Variants in EEFSEC observed in about 807,000 individuals in gnomAD.
EEFSEC encodes the protein eukaryotic elongation factor, selenocysteine-tRNA specific.
In EEFSEC, 43 loss-of-function variants were observed where a neutral mutation model predicts 42.1. The observed-to-expected ratio is 1.02, with a 90% CI of 0.80 to 1.32. The LOEUF (loss-of-function observed/expected upper bound fraction) is 1.32. EEFSEC is among the 40% of genes most tolerant of loss of function. EEFSEC has a pLI of 0.00. For missense variants in EEFSEC, 745 were observed against 803.6 expected (o/e 0.93, Z 0.88); for synonymous variants, 354 against 339.1 (o/e 1.04, Z -0.48).
At chr3:128,348,316 T>G (rs1310183818) in intron 5 of EEFSEC, among the ~76,000 whole-genome samples, 1 of 125,306 alleles carries the variant, frequency 8.0e-6, no homozygotes, top group African/African-American at 3.3e-5. Context: ...GTGTTCATTC[T>G]TTCACATATT....
chr3:128,405,205 A>G (rs1047661005), intron 6 of EEFSEC, among the ~76,000 whole-genome samples: 11 of 151,918 alleles, frequency 7.2e-5, no homozygotes, highest in Admixed American at 6.6e-4. Flanking sequence ...TTTAATGGAG[A>G]CGGGGTTTCA....
chr3:128,213,921 C>T (rs1054054733), intron 1 of EEFSEC, among the ~76,000 whole-genome samples: 2 of 152,138 alleles, frequency 1.3e-5, no homozygotes, highest in South Asian at 2.1e-4. Flanking sequence ...CTGCCCCAAC[C>T]TCAGCCAAGT....
In EEFSEC at chr3:128,160,570, C is replaced by T. The variant is rs138603134; in HGVS notation, c.316+6747C>T. 3.1e-3 allele frequency among the ~76,000 whole-genome samples: 468 copies of T among 152,236 alleles called. 4 individuals carry two copies. Among genetic ancestry groups the T allele is most frequent in the African/African-American group, 0.011 (444 of 41,540 alleles). On this transcript the variant is annotated intron_variant, in intron 1 of 6. Coordinates refer to ENST00000254730, the MANE Select transcript of EEFSEC (RefSeq NM_021937.5). ...TTGCAGGATTGCTGGGCAGGGATTC[C>T]CACTGGCAGCAGGTGTGGTTTTCTC...
chr3:128,290,689 A>G (rs1425721717), intron 4 of EEFSEC, among the ~76,000 whole-genome samples: 2 of 151,608 alleles, frequency 1.3e-5, no homozygotes, highest in African/African-American at 2.4e-5. Flanking sequence ...ATATCTTCCT[A>G]TTGATATAGG....
intron 6 of EEFSEC, among the ~76,000 whole-genome samples, chr3:128,368,269 TA>T (rs1385372053): frequency 1.3e-5 from 2 of 151,974 alleles, no homozygotes; most frequent in East Asian, 3.9e-4. Flanking sequence ...CCATCTCTAA[TA>T]AAAATTTAAA....
intron 4 of EEFSEC, among the ~76,000 whole-genome samples, chr3:128,285,178 G>A (rs1343725024): frequency 6.6e-6 from 1 of 152,160 alleles, no homozygotes; most frequent in Non-Finnish European, 1.5e-5. Context: ...GCAAGATGAA[G>A]AGGTGGGGTC....
At position 128,395,212 on chromosome 3, in the gene EEFSEC, G is replaced by A. The variant is rs114710326; in HGVS notation, c.1601-12857G>A. Among the ~76,000 whole-genome samples, 263 of 152,308 alleles carry A rather than the reference G, an allele frequency of 1.7e-3. 1 individual carries two copies. Among genetic ancestry groups the A allele is most frequent in the Non-Finnish European group, 2.7e-3 (183 of 68,032 alleles). ...CGTCACAAGCAGACAGGAGGTTTCA[G>A]CATGTGTGTGAGGCCTCCGGGCCAG... On this transcript the variant is annotated intron_variant, in intron 6 of 6. Coordinates refer to ENST00000254730, the MANE Select transcript of EEFSEC (RefSeq NM_021937.5).
intron 4 of EEFSEC, among the ~76,000 whole-genome samples, chr3:128,310,714 AT>A (rs1237061502): frequency 6.6e-6 from 1 of 152,200 alleles, no homozygotes; most frequent in African/African-American, 2.4e-5. Context: ...TTCTACTCCA[AT>A]TTTTTATTTT....
intron 1 of EEFSEC, among the ~76,000 whole-genome samples, chr3:128,243,837 G>A (rs2066099381): frequency 6.6e-6 from 1 of 152,188 alleles, no homozygotes; most frequent in Admixed American, 6.5e-5. Flanking sequence ...TGTGTGGCGT[G>A]GGAGTTAAGA....
chr3:128,282,888 G>A (rs925939850), intron 4 of EEFSEC, among the ~76,000 whole-genome samples: 2 of 152,240 alleles, frequency 1.3e-5, no homozygotes, highest in East Asian at 3.8e-4. Flanking sequence ...TGTGGCTGAC[G>A]GCCTTCGGGA....
intron 1 of EEFSEC, among the ~76,000 whole-genome samples, chr3:128,156,456 C>T (rs936392840): frequency 6.6e-6 from 1 of 152,198 alleles, no homozygotes; most frequent in African/African-American, 2.4e-5. Flanking sequence ...TACGTGCATA[C>T]CTCATGTTAT....
intron 4 of EEFSEC, among the ~76,000 whole-genome samples, chr3:128,267,786 C>G (rs2066370081): frequency 6.6e-6 from 1 of 152,212 alleles, no homozygotes; most frequent in East Asian, 1.9e-4. Flanking sequence ...AACTTAGCAG[C>G]AACCAGAAAT....
intron 6 of EEFSEC, among the ~76,000 whole-genome samples, chr3:128,379,832 C>T (rs982484596): frequency 2.0e-5 from 3 of 152,256 alleles, no homozygotes; most frequent in Non-Finnish European, 4.4e-5. Flanking sequence ...GGTTGGGTCC[C>T]GTCAGCTGTC....
intron 6 of EEFSEC, among the ~76,000 whole-genome samples, chr3:128,391,613 C>T (rs1486168044): frequency 6.6e-6 from 1 of 152,210 alleles, no homozygotes; most frequent in Non-Finnish European, 1.5e-5. Flanking sequence ...CTGACCCTCA[C>T]CGATGGGCTC....
chr3:128,184,770 T>C (rs1314271176), intron 1 of EEFSEC, among the ~76,000 whole-genome samples: 1 of 152,228 alleles, frequency 6.6e-6, no homozygotes, highest in African/African-American at 2.4e-5. Flanking sequence ...TATTACACTG[T>C]TTGCATATTT....
At chr3:128,363,299 G>A (rs907086553) in intron 6 of EEFSEC, among the ~76,000 whole-genome samples, 1 of 152,242 alleles carries the variant, frequency 6.6e-6, no homozygotes, top group African/African-American at 2.4e-5. Context: ...TGGGCACTCA[G>A]CGCAAGAAAG....
chr3:128,405,389 A>G (rs1487503821), intron 6 of EEFSEC, among the ~76,000 whole-genome samples: 6 of 152,160 alleles, frequency 3.9e-5, no homozygotes, highest in Non-Finnish European at 8.8e-5. Context: ...AGCCCTCTGA[A>G]AGGGGTATCC....
At chr3:128,224,008 C>A (rs1055778983) in intron 1 of EEFSEC, among the ~76,000 whole-genome samples, 1 of 151,498 alleles carries the variant, frequency 6.6e-6, no homozygotes, top group Admixed American at 6.6e-5. Context: ...TCTATTCTTT[C>A]CTGCTCTTTT....
At chr3:128,196,996 A>G (rs1225762019) in intron 1 of EEFSEC, among the ~76,000 whole-genome samples, 3 of 152,260 alleles carry the variant, frequency 2.0e-5, no homozygotes, top group East Asian at 3.9e-4. Context: ...TCGTTTTTTA[A>G]ATGAATACTT....
Sources: allele counts gnomAD v4.1 joint callset (sites outside exome capture counted in the v4.1 genomes callset), GRCh38; gene constraint gnomAD v4.1.1; transcripts MANE v1.5; gene names NCBI Gene and HGNC (gene_info 2026-07-23, HGNC 2026-07-21).